CSMD1: variants seen among roughly 807,000 people sequenced by gnomAD.
The protein encoded by CSMD1 is CUB and sushi domain-containing protein 1.
A neutral mutation model predicts 417.5 loss-of-function variants in CSMD1; 213 were observed. The observed-to-expected ratio is 0.51, with a 90% CI of 0.46 to 0.57. The LOEUF (loss-of-function observed/expected upper bound fraction) is 0.57. Ranked by LOEUF, CSMD1 falls within the 20% of genes least tolerant of loss-of-function variation. The pLI, the probability that CSMD1 is intolerant of heterozygous loss-of-function variation, is 0.00. For missense variants in CSMD1, 6,923 were observed against 4,529.7 expected (o/e 1.53, Z -15.17); for synonymous variants, 2,862 against 1,736.8 (o/e 1.65, Z -16.11).
At position 4,716,011 on chromosome 8, in the gene CSMD1, CA is replaced by C. The variant is rs1315212138; in HGVS notation, c.86-78454del. Among the ~76,000 whole-genome samples the C allele has an allele frequency of 5.3e-5, 8 of 152,256 alleles. No individual in the cohort carries two copies. The South Asian group carries it at 6.2e-4, about 12-fold the overall frequency. On this transcript the variant is annotated intron_variant, in intron 1 of 69. Coordinates refer to ENST00000635120, the MANE Select transcript of CSMD1 (RefSeq NM_033225.6). Reference sequence around the variant, plus strand: ...AATCTTACCAGTGGTCCAAAGAGCACAGGGGCCAGGGCAGATTCCAAAGCCA... The same window carrying C: ...AATCTTACCAGTGGTCCAAAGAGCACGGGGCCAGGGCAGATTCCAAAGCCA...
At chr8:3,607,037 G>C (rs1160875568) in intron 8 of CSMD1, among the ~76,000 whole-genome samples, 1 of 152,012 alleles carries the variant, frequency 6.6e-6, no homozygotes, top group African/African-American at 2.4e-5. Flanking sequence ...TAACTTGTGA[G>C]TTTTTTGCAA....
chr8:4,183,078 T>A (rs997574544), intron 3 of CSMD1, among the ~76,000 whole-genome samples: 1 of 152,184 alleles, frequency 6.6e-6, no homozygotes, highest in African/African-American at 2.4e-5. Context: ...GATGTCACAC[T>A]CATATCACAG....
intron 11 of CSMD1, among the ~76,000 whole-genome samples, chr8:3,491,923 G>A (rs910185113): frequency 3.3e-5 from 5 of 152,168 alleles, no homozygotes; most frequent in African/African-American, 1.2e-4. Flanking sequence ...GGGTCCAGGG[G>A]ACCTGAGGAT....
chr8:4,701,337 G>A (rs916373616), intron 1 of CSMD1, among the ~76,000 whole-genome samples: 5 of 146,338 alleles, frequency 3.4e-5, no homozygotes, highest in African/African-American at 7.6e-5. Flanking sequence ...TTTTAACTCT[G>A]CTTAAGAACT....
chr8:4,525,362 A>G (rs1290706290), intron 2 of CSMD1, among the ~76,000 whole-genome samples: 2 of 152,142 alleles, frequency 1.3e-5, no homozygotes, highest in Non-Finnish European at 2.9e-5. Flanking sequence ...GAAACCTCCA[A>G]TCTTAACACT....
chr8:4,753,568 C>T (rs1811482232), intron 1 of CSMD1, among the ~76,000 whole-genome samples: 1 of 152,086 alleles, frequency 6.6e-6, no homozygotes, highest in Admixed American at 6.6e-5. Flanking sequence ...ACCTGCCTTC[C>T]ATCACTTCTC....
rs369799726 is a variant in CSMD1, at chr8:4,237,833, G to A, written c.415+182120C>T. ...TGGCCCAAAAATAATTTTTAAAAAGGGAAGCTTTATATTGTATTATTTTTT... is the reference window on the plus strand; with the variant it reads ...TGGCCCAAAAATAATTTTTAAAAAGAGAAGCTTTATATTGTATTATTTTTT... On this transcript the variant is annotated intron_variant, in intron 3 of 69. Coordinates refer to ENST00000635120, the MANE Select transcript of CSMD1 (RefSeq NM_033225.6). Among the ~76,000 whole-genome samples, 222 of 152,218 alleles carry A rather than the reference G, an allele frequency of 1.5e-3. 1 individual carries two copies. Among genetic ancestry groups the A allele is most frequent in the African/African-American group, 5.2e-3 (214 of 41,544 alleles).
At chr8:3,912,267 C>T (rs77866968) in intron 5 of CSMD1, among the ~76,000 whole-genome samples, 4 of 152,004 alleles carry the variant, frequency 2.6e-5, no homozygotes, top group African/African-American at 9.7e-5. Context: ...ACTAATTATT[C>T]AAAAAACAAT....
At chr8:4,374,291 G>A (rs1026952817) in intron 3 of CSMD1, among the ~76,000 whole-genome samples, 1 of 152,070 alleles carries the variant, frequency 6.6e-6, no homozygotes, top group Admixed American at 6.5e-5. Flanking sequence ...CTACTGTTAT[G>A]CTGTATTAGA....
rs368236108 is a variant in CSMD1, at chr8:3,348,098, T to C, written c.3368A>G (p.Asn1123Ser). 5.1e-5 allele frequency: 82 copies of C among 1,612,886 alleles called. No individual in the cohort carries two copies. The highest frequency in any genetic ancestry group is 6.1e-5 in the Non-Finnish European group (72 of 1,179,370). ...GTLLSPNFPS[N>S]YDNNHECIYK... is the part of the protein sequence containing the mutation. ...GATACACTCATGGTTATTATCATAA[T>C]TGGATGGAAAATTTGGAGACAGTAA... Residue 1123 changes from asparagine (N) to serine (S), a missense_variant, in exon 22 of 70, where the codon AAT becomes AGT. Physicochemically the swap from Asn to Ser is conservative, Grantham distance 46. Transcript: ENST00000635120.
intron 3 of CSMD1, among the ~76,000 whole-genome samples, chr8:4,408,877 G>T (rs879312442): frequency 1.3e-5 from 2 of 152,126 alleles, no homozygotes; most frequent in African/African-American, 4.8e-5. Flanking sequence ...TAGAAACACA[G>T]ATCCTTGTTT....
intron 15 of CSMD1, among the ~76,000 whole-genome samples, chr8:3,405,647 T>A (rs943705718): frequency 6.6e-6 from 1 of 152,156 alleles, no homozygotes; most frequent in Admixed American, 6.5e-5. Context: ...TTGTGTCCTT[T>A]TAACAAGGAG....
At chr8:3,181,055 A>C in intron 37 of CSMD1, 55 bp downstream of exon 37, 1 of 1,073,122 alleles carries the variant, frequency 9.3e-7, no homozygotes, top group African/African-American at 1.6e-5. Context: ...TTTTTTCTTT[A>C]AAAAAATGAC....
intron 2 of CSMD1, among the ~76,000 whole-genome samples, chr8:4,502,467 C>G (rs1268610002): frequency 6.6e-6 from 1 of 152,012 alleles, no homozygotes; most frequent in Non-Finnish European, 1.5e-5. Flanking sequence ...TAATATTTCT[C>G]CAACAACAGT....
intron 46 of CSMD1, 96 bp downstream of exon 46, chr8:3,106,432 A>G: frequency 1.5e-6 from 1 of 659,924 alleles, no homozygotes; most frequent in African/African-American, 1.8e-5. Context: ...CAAATAAATA[A>G]GTTCACATCT....
intron 1 of CSMD1, among the ~76,000 whole-genome samples, chr8:4,957,622 TGAA>T (rs1809204898): frequency 6.6e-6 from 1 of 152,172 alleles, no homozygotes; most frequent in Non-Finnish European, 1.5e-5. Flanking sequence ...AAAAATGCAC[TGAA>T]GAAATAAATG....
intron 1 of CSMD1, among the ~76,000 whole-genome samples, chr8:4,970,310 G>A (rs73497705): frequency 0.015 from 2,261 of 152,182 alleles, 47 homozygotes; most frequent in African/African-American, 0.052. Context: ...ATGGGAATAA[G>A]TAAATGTGGC....
intron 3 of CSMD1, among the ~76,000 whole-genome samples, chr8:4,169,955 G>C (rs765855874): frequency 3.3e-5 from 5 of 150,012 alleles, no homozygotes; most frequent in Admixed American, 2.0e-4. Flanking sequence ...TTGCGTGTGT[G>C]TTTTCCTCCA....
intron 5 of CSMD1, among the ~76,000 whole-genome samples, chr8:3,782,327 C>T (rs1478608808): frequency 6.6e-6 from 1 of 152,034 alleles, no homozygotes; most frequent in Non-Finnish European, 1.5e-5. Context: ...GATACTGTGG[C>T]CCTATAGGAA....
Sources: allele counts gnomAD v4.1 joint callset (sites outside exome capture counted in the v4.1 genomes callset), GRCh38; gene constraint gnomAD v4.1.1; transcripts MANE v1.5; gene names NCBI Gene and HGNC (gene_info 2026-07-23, HGNC 2026-07-21).